Variants in FMN1 observed in about 807,000 individuals in gnomAD.
The protein encoded by FMN1 is formin 1.
FMN1 carries 110 observed loss-of-function variants against 132.4 expected under a neutral mutation model. The ratio of observed to expected loss-of-function variants is 0.83; its 90% CI spans 0.71 to 0.97. The LOEUF (loss-of-function observed/expected upper bound fraction) is 0.97. FMN1 is among the 50% of genes least tolerant of loss of function. The pLI is 0.00. For missense variants in FMN1, 1,792 were observed against 1,705.3 expected, an observed-to-expected ratio of 1.05 and a Z score of -0.90; for synonymous variants, 722 against 651.7, an observed-to-expected ratio of 1.11 and a Z score of -1.64.
intron 16 of FMN1, among the ~76,000 whole-genome samples, chr15:32,880,719 G>A (rs1049281289): frequency 4.6e-5 from 7 of 152,184 alleles, no homozygotes; most frequent in Non-Finnish European, 5.9e-5. Flanking sequence ...TCTGGACTGG[G>A]AATAATTTTT....
At chr15:33,117,495 A>C (rs1001463294) in intron 4 of FMN1, among the ~76,000 whole-genome samples, 5 of 152,184 alleles carry the variant, frequency 3.3e-5, no homozygotes, top group Admixed American at 2.6e-4. Context: ...TTTTCCCCAC[A>C]CAAGTAATTT....
At chr15:32,864,121 A>G (rs543087928) in intron 16 of FMN1, among the ~76,000 whole-genome samples, 1 of 152,344 alleles carries the variant, frequency 6.6e-6, no homozygotes, top group East Asian at 1.9e-4. Flanking sequence ...ACACTTTTTT[A>G]TAAGGCCATA....
chr15:32,999,048 CTA>C (rs2033942067), intron 7 of FMN1, among the ~76,000 whole-genome samples: 1 of 152,162 alleles, frequency 6.6e-6, no homozygotes, highest in South Asian at 2.1e-4. Context: ...CACAGTCACA[CTA>C]AAATGATGAA....
intron 11 of FMN1, among the ~76,000 whole-genome samples, chr15:32,909,440 G>C (rs28508587): frequency 6.6e-6 from 1 of 152,142 alleles, no homozygotes; most frequent in Admixed American, 6.5e-5. Flanking sequence ...GAGAAGTTCC[G>C]ACCCACTTGT....
At chr15:32,815,958 T>C (rs1047343662) in intron 17 of FMN1, among the ~76,000 whole-genome samples, 3 of 152,336 alleles carry the variant, frequency 2.0e-5, no homozygotes, top group East Asian at 1.9e-4. Flanking sequence ...TTCTCATCTA[T>C]AAATGAAAGT....
At position 32,978,410 on chromosome 15, in the gene FMN1, A is replaced by G. The variant is rs555183273; in HGVS notation, c.2224-8933T>C. Among the ~76,000 whole-genome samples the G allele has an allele frequency of 4.6e-5, 7 of 152,340 alleles. No homozygotes were observed. The South Asian group carries it at 8.3e-4, about 18-fold the overall frequency. ...TTTCTAAATTATTAATATCCAAAAT[A>G]TAAGTCACAAAATGGATATATATCC... On this transcript the variant is annotated intron_variant, in intron 7 of 20. Coordinates refer to ENST00000616417, the MANE Select transcript of FMN1 (RefSeq NM_001277313.2).
intron 9 of FMN1, among the ~76,000 whole-genome samples, chr15:32,952,582 G>C (rs866240764): frequency 6.6e-6 from 1 of 152,120 alleles, no homozygotes; most frequent in Non-Finnish European, 1.5e-5. Context: ...TGGGTTTTGT[G>C]CATATTTTAA....
chr15:33,108,710 A>G (rs190675152), intron 4 of FMN1, among the ~76,000 whole-genome samples: 1 of 152,194 alleles, frequency 6.6e-6, no homozygotes, highest in East Asian at 1.9e-4. Flanking sequence ...TCCTCTTTTG[A>G]TGTTCTCACC....
At chr15:33,013,550 T>A (rs533831560) in intron 6 of FMN1, among the ~76,000 whole-genome samples, 1 of 152,342 alleles carries the variant, frequency 6.6e-6, no homozygotes, top group African/African-American at 2.4e-5. Context: ...ATTCTTTAAA[T>A]TGGATATTTT....
intron 9 of FMN1, among the ~76,000 whole-genome samples, chr15:32,950,979 C>G (rs1401013026): frequency 6.8e-6 from 1 of 147,024 alleles, no homozygotes; most frequent in African/African-American, 2.5e-5. Context: ...AGAACTTTTG[C>G]TTTTTTTTTT....
intron 6 of FMN1, among the ~76,000 whole-genome samples, chr15:33,027,481 G>T (rs558614737): frequency 3.9e-4 from 59 of 152,160 alleles, no homozygotes; most frequent in Non-Finnish European, 7.6e-4. Context: ...GGAATTTAAA[G>T]AAATTGGGGA....
chr15:33,119,593 C>A (rs534694208), intron 4 of FMN1, among the ~76,000 whole-genome samples: 1 of 152,282 alleles, frequency 6.6e-6, no homozygotes, highest in African/African-American at 2.4e-5. Flanking sequence ...CAGCACTATT[C>A]TTGAAGAGCT....
At chr15:32,995,510 A>T (rs2033712514) in intron 7 of FMN1, among the ~76,000 whole-genome samples, 1 of 152,236 alleles carries the variant, frequency 6.6e-6, no homozygotes, top group Non-Finnish European at 1.5e-5. Flanking sequence ...CTATATGAGG[A>T]TTAAATAAAA....
chr15:33,034,896 AT>A (rs2036118217), intron 6 of FMN1, among the ~76,000 whole-genome samples: 2 of 152,096 alleles, frequency 1.3e-5, no homozygotes, highest in Non-Finnish European at 2.9e-5. Flanking sequence ...TCTGCTCAAC[AT>A]TCTCTAACAG....
In FMN1 at chr15:32,765,855, ACT is replaced by A. The variant is rs773692045; in HGVS notation, c.*8453_*8454del. On this transcript the variant is annotated 3_prime_UTR_variant, in exon 21 of 21. Coordinates refer to ENST00000616417, the MANE Select transcript of FMN1 (RefSeq NM_001277313.2). ...TGTACAAATCAGTGTTGGTTCCTTC[ACT>A]CTCTTTTTAAAAATAAATACTTCAT... The A allele has an allele frequency of 3.3e-5, 5 of 152,168 alleles. No homozygotes were observed. The highest frequency in any genetic ancestry group is 2.1e-4 in the South Asian group (1 of 4,822). 9.4% of individuals were successfully genotyped at this position (152,168 alleles called of 1,614,324 possible).
chr15:33,002,580 GCC>G (rs2034180244), intron 7 of FMN1, among the ~76,000 whole-genome samples: 1 of 152,088 alleles, frequency 6.6e-6, no homozygotes, highest in South Asian at 2.1e-4. Context: ...AGGTAAAGTG[GCC>G]CAGAGAGCAC....
intron 6 of FMN1, among the ~76,000 whole-genome samples, chr15:33,017,389 T>A (rs1321236930): frequency 6.7e-6 from 1 of 148,602 alleles, no homozygotes; most frequent in African/African-American, 2.5e-5. Context: ...TAAGGGAAAG[T>A]GTGGTATGTG....
chr15:33,185,722 G>A (rs1965861437), intron 2 of FMN1, among the ~76,000 whole-genome samples: 1 of 151,790 alleles, frequency 6.6e-6, no homozygotes, highest in East Asian at 1.9e-4. Context: ...ACAGGCACGT[G>A]CCACCACACC....
At chr15:33,069,993 C>CTTTTTTTTTTTTTTTTTTTTT (rs1171369156) in intron 5 of FMN1, among the ~76,000 whole-genome samples, 2 of 74,292 alleles carry the variant, frequency 2.7e-5, no homozygotes, top group African/African-American at 1.1e-4. Flanking sequence ...CAGTCTTTCT[C>CTTTTTTTTTTTTTTTTTTTTT]TTTTTTTTTT....
Sources: gnomAD v4.1 joint callset for allele counts (sites outside exome capture counted in the v4.1 genomes callset) on GRCh38, gnomAD v4.1.1 for gene constraint, MANE v1.5 for transcripts, NCBI Gene and HGNC (gene_info 2026-07-23, HGNC 2026-07-21) for gene names.